The following CPED1 variants were observed in gnomAD, a reference collection of about 807,000 sequenced individuals.
CPED1 encodes the protein cadherin like and PC-esterase domain containing 1.
Under a neutral mutation model 128.2 loss-of-function variants are expected in CPED1, and 114 were observed. That is an observed-to-expected ratio of 0.89 (90% CI 0.76 to 1.04). The LOEUF (loss-of-function observed/expected upper bound fraction) is 1.04. Ranked by LOEUF, CPED1 falls within the 50% of genes least tolerant of loss-of-function variation. CPED1 has a pLI of 0.00. For synonymous variants in CPED1, 462 were observed against 426.7 expected, an observed-to-expected ratio of 1.08 and a Z score of -1.02; for missense variants, 1,211 against 1,207.1, an observed-to-expected ratio of 1.00 and a Z score of -0.05.
At chr7:121,108,445 C>G (rs954373432) in intron 7 of CPED1, among the ~76,000 whole-genome samples, 2 of 152,046 alleles carry the variant, frequency 1.3e-5, no homozygotes, top group Non-Finnish European at 2.9e-5. Flanking sequence ...TGATATCCCT[C>G]AGATGACTAT....
intron 22 of CPED1, among the ~76,000 whole-genome samples, chr7:121,291,579 A>C (rs1337331293): frequency 6.6e-6 from 1 of 152,062 alleles, no homozygotes; most frequent in Non-Finnish European, 1.5e-5. Context: ...ATAGGAGTTC[A>C]CTCATGATTT....
At position 121,148,315 on chromosome 7, in the gene CPED1, G is replaced by A. The variant is rs185034068; in HGVS notation, c.2055+6174G>A. Reference sequence around the variant, plus strand: ...TACAAATAGCAGCAAAGCAGCAGCCGAGGTAATAGGTGTAGTAGCAATGAA... The same window carrying A: ...TACAAATAGCAGCAAAGCAGCAGCCAAGGTAATAGGTGTAGTAGCAATGAA... On this transcript the variant is annotated intron_variant, in intron 16 of 22. Coordinates refer to ENST00000310396, the MANE Select transcript of CPED1 (RefSeq NM_024913.5). Among the ~76,000 whole-genome samples, 270 of 152,286 alleles carry A rather than the reference G, an allele frequency of 1.8e-3. 1 individual carries two copies. The highest frequency in any genetic ancestry group is 6.3e-3 in the African/African-American group (263 of 41,570).
rs889583638 is a variant in CPED1 at position 121,167,913 on chromosome 7, T to C, written c.2055+25772T>C. 3.3e-5 allele frequency among the ~76,000 whole-genome samples: 5 copies of C among 151,990 alleles called. No homozygotes were observed. The East Asian group carries it at 9.7e-4, about 29-fold the overall frequency. On this transcript the variant is annotated intron_variant, in intron 16 of 22. Transcript: ENST00000310396. The stretch of plus-strand genomic sequence containing the variant: ...TGCCCGGCTAATTTTTTTTGTATTT[T>C]TAGTAGAGATGGGGTTTCACCGTGT...
chr7:121,222,151 T>TCCAGTTTCAGCTTTCTACATGTAGCTAG (rs1260446698), intron 16 of CPED1, among the ~76,000 whole-genome samples: 1 of 152,182 alleles, frequency 6.6e-6, no homozygotes, highest in Non-Finnish European at 1.5e-5. Flanking sequence ...AAGGAAGGGA[T>TCCAGTTTCAGCTTTCTACATGTAGCTAG]CCAGTTTCAG....
intron 7 of CPED1, among the ~76,000 whole-genome samples, chr7:121,113,235 A>G (rs59353128): frequency 0.11 from 16,476 of 152,238 alleles, 1,545 homozygotes; most frequent in African/African-American, 0.25. Context: ...AACTGTTTGG[A>G]AATCCCTACT....
At chr7:121,080,486 G>T (rs113184808) in intron 5 of CPED1, among the ~76,000 whole-genome samples, 15 of 152,072 alleles carry the variant, frequency 9.9e-5, no homozygotes, top group Non-Finnish European at 1.9e-4. Context: ...TGCAGAAGTG[G>T]TCAAACTTTT....
intron 5 of CPED1, among the ~76,000 whole-genome samples, chr7:121,094,414 G>T (rs1160853321): frequency 1.3e-5 from 2 of 151,996 alleles, no homozygotes; most frequent in African/African-American, 4.8e-5. Flanking sequence ...ATTTGACTGT[G>T]GTGTATATAC....
intron 3 of CPED1, 40 bp from the exon 4 acceptor site, chr7:121,046,847 G>C: frequency 7.6e-7 from 1 of 1,314,424 alleles, no homozygotes; most frequent in Non-Finnish European, 1.1e-6. Flanking sequence ...TAAAATATCT[G>C]ATGAAAACTT....
intron 3 of CPED1, among the ~76,000 whole-genome samples, chr7:121,045,517 CT>C (rs1793174153): frequency 6.6e-6 from 1 of 152,148 alleles, no homozygotes; most frequent in Non-Finnish European, 1.5e-5. Context: ...CTTATTAATA[CT>C]TTTCTCATAA....
intron 7 of CPED1, among the ~76,000 whole-genome samples, chr7:121,123,334 A>G (rs902774418): frequency 3.3e-5 from 5 of 152,192 alleles, no homozygotes; most frequent in African/African-American, 9.6e-5. Flanking sequence ...ATCCAGGCCA[A>G]TATTTGTCCT....
chr7:121,225,181 T>C (rs1476744206), intron 16 of CPED1, among the ~76,000 whole-genome samples: 1 of 152,116 alleles, frequency 6.6e-6, no homozygotes, highest in Non-Finnish European at 1.5e-5. Context: ...GGTGACAAAA[T>C]CTCTCAGCAT....
At chr7:121,127,933 T>C (rs1795549819) in intron 10 of CPED1, among the ~76,000 whole-genome samples, 2 of 152,194 alleles carry the variant, frequency 1.3e-5, no homozygotes, top group African/African-American at 4.8e-5. Context: ...ACATGTATTA[T>C]AGTATACTTT....
At chr7:121,107,592 T>C (rs1795009057) in intron 7 of CPED1, among the ~76,000 whole-genome samples, 1 of 152,040 alleles carries the variant, frequency 6.6e-6, no homozygotes, top group South Asian at 2.1e-4. Flanking sequence ...AAGTGGTATG[T>C]GGGTGCAAAG....
At chr7:121,055,463 G>A (rs1286753943) in intron 4 of CPED1, among the ~76,000 whole-genome samples, 6 of 151,670 alleles carry the variant, frequency 4.0e-5, no homozygotes. Flanking sequence ...TTATCTGATT[G>A]TGAAGCAATA....
chr7:121,075,797 A>G (rs1219700195), intron 5 of CPED1, among the ~76,000 whole-genome samples: 3 of 152,116 alleles, frequency 2.0e-5, no homozygotes, highest in Non-Finnish European at 4.4e-5. Context: ...TATATTTTAC[A>G]TTTTCATGGC....
intron 5 of CPED1, among the ~76,000 whole-genome samples, chr7:121,065,818 G>A (rs1309096983): frequency 1.3e-5 from 2 of 151,990 alleles, no homozygotes; most frequent in Admixed American, 6.6e-5. Context: ...TCTGTTTAGT[G>A]CATTAATTTT....
At chr7:120,995,969 CCTT>C (rs1167604663) in intron 2 of CPED1, among the ~76,000 whole-genome samples, 1,417 of 66,538 alleles carry the variant, frequency 0.021, 19 homozygotes, top group African/African-American at 0.081. Flanking sequence ...TCCTCCTCCT[CCTT>C]CTTCTTCTTC....
chr7:121,231,164 G>T (rs1440821648), intron 16 of CPED1, among the ~76,000 whole-genome samples: 1 of 152,078 alleles, frequency 6.6e-6, no homozygotes, highest in African/African-American at 2.4e-5. Context: ...TCTTCTTTGA[G>T]TTGGTATTTG....
At chr7:121,231,513 G>C (rs1798139440) in intron 16 of CPED1, among the ~76,000 whole-genome samples, 1 of 152,092 alleles carries the variant, frequency 6.6e-6, no homozygotes. Context: ...ATAGAACCAA[G>C]ATTTCCAGGC....
Sources: gnomAD v4.1 joint callset for allele counts (sites outside exome capture counted in the v4.1 genomes callset) on GRCh38, gnomAD v4.1.1 for gene constraint, MANE v1.5 for transcripts, NCBI Gene and HGNC (gene_info 2026-07-23, HGNC 2026-07-21) for gene names.